Variants in IVD observed in about 807,000 individuals in gnomAD.
IVD encodes the protein isovaleryl-CoA dehydrogenase.
Under a neutral mutation model 51.3 loss-of-function variants are expected in IVD, and 31 were observed. That is an observed-to-expected ratio of 0.60 (90% CI 0.45 to 0.81). IVD has a LOEUF of 0.81. Among genes scored for constraint, IVD ranks in the 40% least tolerant of loss-of-function variants. IVD has a pLI of 0.00. For synonymous variants in IVD, 205 were observed against 219.4 expected (o/e 0.93, Z 0.58); for missense variants, 475 against 552.0 (o/e 0.86, Z 1.40).
At chr15:40,428,929 C>G (rs11636147), downstream of IVD, among the ~76,000 whole-genome samples, 18,202 of 152,092 alleles carry the variant, frequency 0.12, 1,244 homozygotes, top group Non-Finnish European at 0.16. Flanking sequence ...TGGATCCCAA[C>G]AGCATTTCCC....
At chr15:40,415,966 C>G (rs957449376) in intron 9 of IVD, 112 bp from the exon 10 acceptor site, 6 of 907,974 alleles carry the variant, frequency 6.6e-6, no homozygotes, top group African/African-American at 6.6e-5. Flanking sequence ...CCCATCTCCT[C>G]TCCATGCCCC....
downstream of IVD, among the ~76,000 whole-genome samples, chr15:40,426,914 G>A (rs1262598949): frequency 2.6e-5 from 4 of 152,186 alleles, no homozygotes; most frequent in Admixed American, 6.5e-5. Context: ...ACTGGGCGAC[G>A]GGCTGGGGAG....
In IVD at chr15:40,420,173, G is replaced by T; in HGVS notation, c.*1910G>T. 1.0e-6 allele frequency: 1 copy of T among 985,756 alleles called. No homozygotes were observed. The highest frequency in any genetic ancestry group is 1.2e-6 in the Non-Finnish European group (1 of 830,146). 61.1% of individuals were successfully genotyped at this position (985,756 alleles called of 1,614,324 possible). ...CAGGGGGGGCAGAGCAGAGGACAGCGTGCTTTTGTGTACTGTTGGAAGACT... is the reference window on the plus strand; with the variant it reads ...CAGGGGGGGCAGAGCAGAGGACAGCTTGCTTTTGTGTACTGTTGGAAGACT... On this transcript the variant is annotated 3_prime_UTR_variant, in exon 12 of 12. Transcript: ENST00000487418.
At chr15:40,417,758 A>C (rs1891868677) in intron 11 of IVD, among the ~76,000 whole-genome samples, 1 of 152,180 alleles carries the variant, frequency 6.6e-6, no homozygotes, top group African/African-American at 2.4e-5. Context: ...GTGGCCCCAG[A>C]TTGCAAGAGT....
intron 7 of IVD, among the ~76,000 whole-genome samples, chr15:40,430,704 G>A (rs1003491809): frequency 8.2e-6 from 1 of 122,066 alleles, no homozygotes; most frequent in Admixed American, 8.6e-5. Flanking sequence ...TGAGTCCAAG[G>A]TTCTTGACTC....
intron 7 of IVD, among the ~76,000 whole-genome samples, chr15:40,433,313 G>C (rs896038912): frequency 6.6e-6 from 1 of 152,144 alleles, no homozygotes. Flanking sequence ...TTACCTACCA[G>C]AGTTCTTGAG....
At chr15:40,414,563 G>T in intron 7 of IVD, 1 of 341,976 alleles carries the variant, frequency 2.9e-6, no homozygotes, top group Non-Finnish European at 5.8e-6. Context: ...TGTGTAGAAA[G>T]AGTCAGGGAG....
downstream of IVD, among the ~76,000 whole-genome samples, chr15:40,422,193 T>C (rs987121462): frequency 3.3e-5 from 5 of 151,876 alleles, no homozygotes; most frequent in African/African-American, 1.2e-4. Context: ...GTTTGGGATT[T>C]CAGGACTCAA....
At chr15:40,412,792 A>G (rs1891218425) in intron 6 of IVD, 199 bp from the exon 7 acceptor site, 1 of 585,530 alleles carries the variant, frequency 1.7e-6, no homozygotes, top group Non-Finnish European at 3.1e-6. Context: ...AACACAAGCT[A>G]GTGGCAGAGG....
At chr15:40,433,948 G>A in intron 8 of IVD, 1 of 456,396 alleles carries the variant, frequency 2.2e-6, no homozygotes, top group Non-Finnish European at 4.4e-6. Flanking sequence ...AATGCAACAG[G>A]GCTCTCTGAG....
chr15:40,432,356 C>A (rs1210046807), intron 7 of IVD, among the ~76,000 whole-genome samples: 2 of 152,216 alleles, frequency 1.3e-5, no homozygotes, highest in African/African-American at 4.8e-5. Flanking sequence ...CACGCCTCTG[C>A]TGGGTGGAGT....
intron 3 of IVD, among the ~76,000 whole-genome samples, chr15:40,409,487 A>T (rs1202756756): frequency 2.0e-5 from 3 of 152,102 alleles, no homozygotes; most frequent in African/African-American, 7.2e-5. Flanking sequence ...TGGTTTCTGC[A>T]TGATGTCATG....
chr15:40,431,762 A>C (rs969820772), intron 7 of IVD, among the ~76,000 whole-genome samples: 2 of 152,158 alleles, frequency 1.3e-5, no homozygotes, highest in Admixed American at 1.3e-4. Flanking sequence ...CTCTCCAGGA[A>C]CATTACCTAT....
intron 8 of IVD, among the ~76,000 whole-genome samples, chr15:40,434,895 G>A (rs1409887466): frequency 6.6e-6 from 1 of 152,312 alleles, no homozygotes; most frequent in African/African-American, 2.4e-5. Context: ...ATTGAACCTG[G>A]CCATCCCTGG....
intron 11 of IVD, among the ~76,000 whole-genome samples, chr15:40,417,324 G>A (rs1360691379): frequency 2.0e-5 from 3 of 151,240 alleles, no homozygotes; most frequent in Non-Finnish European, 4.4e-5. Flanking sequence ...CCTGACCAAC[G>A]TGGTGAAACC....
intron 7 of IVD, among the ~76,000 whole-genome samples, chr15:40,429,501 TCTA>T (rs1376702306): frequency 1.3e-5 from 2 of 152,020 alleles, no homozygotes; most frequent in Admixed American, 6.5e-5. Flanking sequence ...CACTAACCCA[TCTA>T]CACGCCCACC....
chr15:40,430,223 G>C (rs1268034017), intron 7 of IVD, among the ~76,000 whole-genome samples: 1 of 152,246 alleles, frequency 6.6e-6, no homozygotes, highest in East Asian at 1.9e-4. Context: ...CTGTTACTGA[G>C]AACCTATCAT....
At chr15:40,434,010 A>G (rs989429684) in intron 8 of IVD, 3 of 437,886 alleles carry the variant, frequency 6.9e-6, no homozygotes, top group Non-Finnish European at 1.4e-5. Context: ...ATACCCATCC[A>G]TGTCTCTGTG....
At chr15:40,422,021 C>T (rs1212989729), downstream of IVD, among the ~76,000 whole-genome samples, 1 of 152,238 alleles carries the variant, frequency 6.6e-6, no homozygotes, top group Non-Finnish European at 1.5e-5. Context: ...CTCTGACCCT[C>T]TCCCTCGAGG....
Sources: allele counts gnomAD v4.1 joint callset (sites outside exome capture counted in the v4.1 genomes callset), GRCh38; gene constraint gnomAD v4.1.1; transcripts MANE v1.5; gene names NCBI Gene and HGNC (gene_info 2026-07-23, HGNC 2026-07-21).